LINGO2: variants seen among roughly 807,000 people sequenced by gnomAD.
The protein encoded by LINGO2 is leucine-rich repeat and immunoglobulin-like domain-containing nogo receptor-interacting protein 2.
In LINGO2, 14 loss-of-function variants were observed where a neutral mutation model predicts 30.6. The observed-to-expected ratio is 0.46, with a 90% CI of 0.30 to 0.72. LINGO2 has a LOEUF of 0.72. Among genes scored for constraint, LINGO2 ranks in the 30% least tolerant of loss-of-function variants. The pLI is 0.07. For synonymous variants in LINGO2, 317 were observed against 288.5 expected (o/e 1.10, Z -1.00); for missense variants, 729 against 751.7 (o/e 0.97, Z 0.35).
At chr9:29,063,614 G>A in the LINGO2 span, among the ~76,000 whole-genome samples, 1 of 151,886 alleles carries the variant, frequency 6.6e-6, no homozygotes, top group Non-Finnish European at 1.5e-5. Flanking sequence ...TGGCCAGGCT[G>A]GTCTCGAATA....
chr9:28,658,535 T>C (rs1293615139), intron 1 of LINGO2, among the ~76,000 whole-genome samples: 1 of 152,138 alleles, frequency 6.6e-6, no homozygotes, highest in Non-Finnish European at 1.5e-5. Context: ...AAATATATTT[T>C]GTCTGATATT....
chr9:28,882,479 A>T, the LINGO2 span, among the ~76,000 whole-genome samples: 2 of 152,088 alleles, frequency 1.3e-5, no homozygotes, highest in East Asian at 3.9e-4. Context: ...CCATCTGTAA[A>T]CTCCAGTAAT....
In LINGO2 at chr9:28,472,657, CT is replaced by C. The variant is rs145422283; in HGVS notation, c.-279+3282del. On this transcript the variant is annotated intron_variant, in intron 2 of 5. Coordinates refer to ENST00000379992, the Ensembl canonical transcript of LINGO2. Reference sequence around the variant, plus strand: ...CCCTTGCAACTGTTGGATTAGTGCTCTTTTTTTATTTATTTTGGTCTCTTCT... The same window carrying C: ...CCCTTGCAACTGTTGGATTAGTGCTCTTTTTTATTTATTTTGGTCTCTTCT... Among the ~76,000 whole-genome samples the C allele has an allele frequency of 1.2e-4, 19 of 152,012 alleles. 1 individual carries two copies. In the South Asian group the frequency reaches 3.7e-3, roughly 30 times the overall value.
chr9:28,185,698 T>C (rs1819516007), intron 4 of LINGO2, among the ~76,000 whole-genome samples: 1 of 152,150 alleles, frequency 6.6e-6, no homozygotes, highest in Non-Finnish European at 1.5e-5. Context: ...ATTTTGTTTT[T>C]CTTGGGCACA....
intron 4 of LINGO2, among the ~76,000 whole-genome samples, chr9:28,284,037 T>C (rs912938444): frequency 3.3e-5 from 5 of 152,280 alleles, no homozygotes; most frequent in African/African-American, 1.2e-4. Flanking sequence ...CTCTTGCAAA[T>C]ATTTTATCAA....
At chr9:28,944,354 C>CTCTGTCTG in the LINGO2 span, among the ~76,000 whole-genome samples, 120 of 151,480 alleles carry the variant, frequency 7.9e-4, 2 homozygotes, top group East Asian at 0.015. Flanking sequence ...ATACCTCTAT[C>CTCTGTCTG]TCTGTCTGTC....
At chr9:27,939,032 A>C in the LINGO2 span, 9 of 152,194 alleles carry the variant, frequency 5.9e-5, no homozygotes, top group Non-Finnish European at 1.3e-4. Flanking sequence ...ATATAAATAG[A>C]CATTTAAAAT....
At chr9:29,033,792 T>C in the LINGO2 span, among the ~76,000 whole-genome samples, 39 of 152,200 alleles carry the variant, frequency 2.6e-4, no homozygotes, top group African/African-American at 8.7e-4. Flanking sequence ...ACATATGTCA[T>C]ATATTTGCCA....
chr9:28,918,737 CTTT>C, the LINGO2 span, among the ~76,000 whole-genome samples: 1 of 152,106 alleles, frequency 6.6e-6, no homozygotes, highest in African/African-American at 2.4e-5. Context: ...GCCCCTGTAC[CTTT>C]TTTTCATTCC....
At chr9:28,179,674 TTA>T (rs1828857729) in intron 4 of LINGO2, among the ~76,000 whole-genome samples, 1 of 143,370 alleles carries the variant, frequency 7.0e-6, no homozygotes, top group African/African-American at 2.5e-5. Context: ...ATATAGTATT[TTA>T]TACTATATAT....
chr9:28,047,947 G>T (rs751627329), intron 4 of LINGO2, among the ~76,000 whole-genome samples: 5 of 150,468 alleles, frequency 3.3e-5, no homozygotes, highest in Non-Finnish European at 5.9e-5. Context: ...TGATTTTTTA[G>T]AATCAACGTA....
intron 3 of LINGO2, among the ~76,000 whole-genome samples, chr9:28,371,958 T>A (rs1237599266): frequency 6.6e-6 from 1 of 152,020 alleles, no homozygotes; most frequent in South Asian, 2.1e-4. Flanking sequence ...AGGGGTAGGG[T>A]TGCGAATCTG....
the LINGO2 span, among the ~76,000 whole-genome samples, chr9:28,996,385 A>C: frequency 1.3e-5 from 2 of 152,206 alleles, no homozygotes; most frequent in Admixed American, 1.3e-4. Context: ...AATACAAGGA[A>C]GATCACCAGG....
the LINGO2 span, among the ~76,000 whole-genome samples, chr9:29,169,870 C>T: frequency 7.2e-5 from 11 of 152,094 alleles, no homozygotes; most frequent in African/African-American, 9.6e-5. Context: ...TGGTGGCACG[C>T]GCCTGTAGTC....
chr9:28,523,531 G>A (rs1820902683), intron 1 of LINGO2, among the ~76,000 whole-genome samples: 1 of 152,016 alleles, frequency 6.6e-6, no homozygotes, highest in Non-Finnish European at 1.5e-5. Context: ...AATCTTAGAG[G>A]ACATAATCTT....
chr9:28,749,600 A>T, the LINGO2 span, among the ~76,000 whole-genome samples: 2 of 137,474 alleles, frequency 1.5e-5, no homozygotes, highest in African/African-American at 5.3e-5. Context: ...CAGCATTTAT[A>T]AAAAAAATTA....
chr9:29,025,262 T>A, the LINGO2 span, among the ~76,000 whole-genome samples: 1 of 152,034 alleles, frequency 6.6e-6, no homozygotes, highest in South Asian at 2.1e-4. Context: ...AAGTATCACA[T>A]CTAGGTCAGT....
In LINGO2 at chr9:28,130,608, T is replaced by C. The variant is rs977054889; in HGVS notation, c.-86-118203A>G. Reference sequence around the variant, plus strand: ...CCTACATGTAAAGATATAACCAATGTTATCAGAAAGCACATCATAAAAGTC... The same window carrying C: ...CCTACATGTAAAGATATAACCAATGCTATCAGAAAGCACATCATAAAAGTC... On this transcript the variant is annotated intron_variant, in intron 4 of 5. Coordinates refer to ENST00000379992, the Ensembl canonical transcript of LINGO2. The surrounding 1 kb of genome is among the most constrained non-coding windows in gnomAD (Gnocchi z 5.2). Among the ~76,000 whole-genome samples the C allele has an allele frequency of 1.3e-5, 2 of 152,202 alleles. No individual in the cohort carries two copies. The highest frequency in any genetic ancestry group is 2.9e-5 in the Non-Finnish European group (2 of 68,018).
At chr9:28,520,510 C>T (rs1252312861) in intron 1 of LINGO2, among the ~76,000 whole-genome samples, 2 of 152,046 alleles carry the variant, frequency 1.3e-5, no homozygotes, top group Admixed American at 1.3e-4. Flanking sequence ...TTTTTTAAGG[C>T]AGTAATCATT....
Sources: gnomAD v4.1 joint callset for allele counts (sites outside exome capture counted in the v4.1 genomes callset) on GRCh38, gnomAD v4.1.1 for gene constraint, Gnocchi (gnomAD v3.1) non-coding constraint, MANE v1.5 for transcripts, NCBI Gene and HGNC (gene_info 2026-07-23, HGNC 2026-07-21) for gene names.